ACKR3: variants seen among roughly 807,000 people sequenced by gnomAD.
ACKR3 encodes atypical chemokine receptor 3.
A neutral mutation model predicts 22.4 loss-of-function variants in ACKR3; 6 were observed. The observed-to-expected ratio is 0.27, with a 90% confidence interval of 0.15 to 0.53. The LOEUF is 0.53. Among genes scored for constraint, ACKR3 ranks in the 20% least tolerant of loss-of-function variants. The pLI is 0.96. For synonymous variants in ACKR3, 209 were observed against 205.2 expected, an observed-to-expected ratio of 1.02 and a Z score of -0.16; for missense variants, 396 against 475.2, an observed-to-expected ratio of 0.83 and a Z score of 1.55.
chr2:236,553,422 C>A, the ACKR3 span, among the ~76,000 whole-genome samples: 2 of 152,034 alleles, frequency 1.3e-5, no homozygotes, highest in African/African-American at 4.8e-5. Context: ...TTGCTTGAGG[C>A]AGAAAAAAAC....
At chr2:236,576,666 G>C (rs958500335) in intron 1 of ACKR3, among the ~76,000 whole-genome samples, 1 of 152,218 alleles carries the variant, frequency 6.6e-6, no homozygotes, top group African/African-American at 2.4e-5. Flanking sequence ...AGTGGGCCCT[G>C]CCCACCCTAA....
At chr2:236,569,363 A>G (rs1440506183), upstream of ACKR3, among the ~76,000 whole-genome samples, 1 of 152,256 alleles carries the variant, frequency 6.6e-6, no homozygotes, top group Admixed American at 6.5e-5. Context: ...TAACAAGGAA[A>G]ACCCAGGCTT....
intron 1 of ACKR3, among the ~76,000 whole-genome samples, chr2:236,572,628 C>A (rs909698405): frequency 1.5e-4 from 23 of 152,176 alleles, no homozygotes; most frequent in Admixed American, 9.8e-4. Flanking sequence ...CCCACTGCCT[C>A]GTCCTAGTCC....
chr2:236,558,696 T>G, the ACKR3 span, among the ~76,000 whole-genome samples: 1 of 152,230 alleles, frequency 6.6e-6, no homozygotes, highest in Non-Finnish European at 1.5e-5. Flanking sequence ...GAATAAAGAT[T>G]CTTTGTTCTT....
chr2:236,571,751 C>T (rs186829295), intron 1 of ACKR3, among the ~76,000 whole-genome samples: 1 of 151,848 alleles, frequency 6.6e-6, no homozygotes, highest in East Asian at 1.9e-4. Flanking sequence ...GTTGAAGTCA[C>T]TCAAACCTGA....
chr2:236,569,279 T>C (rs1352785559), upstream of ACKR3, among the ~76,000 whole-genome samples: 2 of 152,238 alleles, frequency 1.3e-5, no homozygotes, highest in Non-Finnish European at 2.9e-5. Flanking sequence ...GACTCTTTTC[T>C]CCACTTTGGG....
the ACKR3 span, among the ~76,000 whole-genome samples, chr2:236,545,474 AC>A: frequency 1.3e-5 from 2 of 152,252 alleles, no homozygotes; most frequent in Admixed American, 1.3e-4. This position sits in a 1 kb window ranked among gnomAD's most constrained non-coding sequence, Gnocchi z 5.3. Flanking sequence ...TAGGAAAGAC[AC>A]ATGCTACACC....
the ACKR3 span, among the ~76,000 whole-genome samples, chr2:236,549,130 A>G: frequency 2.0e-5 from 3 of 152,184 alleles, no homozygotes; most frequent in Admixed American, 2.0e-4. This position sits in a 1 kb window ranked among gnomAD's most constrained non-coding sequence, Gnocchi z 5.3. Flanking sequence ...CTCATTTCCA[A>G]CAAATTTGAG....
chr2:236,574,695 C>T lies in ACKR3; in HGVS notation c.-27+4771C>T, dbSNP rs1354385143. On this transcript the variant is annotated intron_variant, in intron 1 of 1. Coordinates refer to ENST00000272928, the MANE Select transcript of ACKR3 (RefSeq NM_020311.3). This position sits in a 1 kb window ranked among gnomAD's most constrained non-coding sequence, Gnocchi z 5.6. ...TGAGTACCTGTAATTCCGGCTTCAC[C>T]CTCAGCTTGCAGAGTGAGCTCAGGG... Among the ~76,000 whole-genome samples, 2 of 152,186 alleles carry T rather than the reference C, an allele frequency of 1.3e-5. No homozygotes were observed. Among genetic ancestry groups the T allele is most frequent in the Non-Finnish European group, 2.9e-5 (2 of 68,032 alleles).
chr2:236,574,844 A>G lies in ACKR3; in HGVS notation c.-27+4920A>G, dbSNP rs1691376421. On this transcript the variant is annotated intron_variant, in intron 1 of 1. Coordinates refer to ENST00000272928, the MANE Select transcript of ACKR3 (RefSeq NM_020311.3). This position sits in a 1 kb window ranked among gnomAD's most constrained non-coding sequence, Gnocchi z 5.6. The stretch of plus-strand genomic sequence containing the variant: ...GGTGCATCTCCGAGAAAGTCCTGCA[A>G]TTGACAAGAGGAGCCCCAGTACCAT... Among the ~76,000 whole-genome samples, 2 of 152,072 alleles carry G rather than the reference A, an allele frequency of 1.3e-5. No homozygotes were observed. Among genetic ancestry groups the G allele is most frequent in the Admixed American group, 6.5e-5 (1 of 15,278 alleles).
chr2:236,542,479 G>A, the ACKR3 span, among the ~76,000 whole-genome samples: 1 of 152,152 alleles, frequency 6.6e-6, no homozygotes, highest in Non-Finnish European at 1.5e-5. Context: ...TCTCCCTGCT[G>A]TAGACAGACT....
chr2:236,538,625 G>A, the ACKR3 span, among the ~76,000 whole-genome samples: 1 of 152,244 alleles, frequency 6.6e-6, no homozygotes, highest in African/African-American at 2.4e-5. Flanking sequence ...GTAAGACCAA[G>A]TCTAGTGGAC....
chr2:236,574,686 C>T lies in ACKR3; in HGVS notation c.-27+4762C>T, dbSNP rs373333904. 1.3e-4 allele frequency among the ~76,000 whole-genome samples: 20 copies of T among 152,292 alleles called. No individual in the cohort carries two copies. The highest frequency in any genetic ancestry group is 6.2e-4 in the South Asian group (3 of 4,826). On this transcript the variant is annotated intron_variant, in intron 1 of 1. Transcript: ENST00000272928. The surrounding 1 kb of genome is among the most constrained non-coding windows in gnomAD (Gnocchi z 5.6). Reference sequence around the variant, plus strand: ...CTCTAAACCTGAGTACCTGTAATTCCGGCTTCACCCTCAGCTTGCAGAGTG... The same window carrying T: ...CTCTAAACCTGAGTACCTGTAATTCTGGCTTCACCCTCAGCTTGCAGAGTG...
chr2:236,574,117 G>T lies in ACKR3; in HGVS notation c.-27+4193G>T, dbSNP rs10186215. On this transcript the variant is annotated intron_variant, in intron 1 of 1. Transcript: ENST00000272928. The surrounding 1 kb of genome is among the most constrained non-coding windows in gnomAD (Gnocchi z 5.6). The stretch of plus-strand genomic sequence containing the variant: ...TTAGCCGGCGGGGTCTCGGGGGTTG[G>T]GGGGAGATGTTTCTGATTTGTTGTC... 6.6e-6 allele frequency among the ~76,000 whole-genome samples: 1 copy of T among 151,880 alleles called. No homozygotes were observed. Among genetic ancestry groups the T allele is most frequent in the Non-Finnish European group, 1.5e-5 (1 of 67,990 alleles).
intron 1 of ACKR3, among the ~76,000 whole-genome samples, chr2:236,571,043 T>C (rs1235124894): frequency 6.6e-6 from 1 of 152,230 alleles, no homozygotes; most frequent in African/African-American, 2.4e-5. Context: ...GCTTTTAGTG[T>C]CCCTTTATTT....
chr2:236,542,802 C>T, the ACKR3 span, among the ~76,000 whole-genome samples: 2 of 152,246 alleles, frequency 1.3e-5, no homozygotes, highest in Non-Finnish European at 2.9e-5. Context: ...AGCATGTGGA[C>T]TATCTCTTGG....
upstream of ACKR3, among the ~76,000 whole-genome samples, chr2:236,564,728 A>G (rs10207556): frequency 0.012 from 1,758 of 152,134 alleles, 37 homozygotes; most frequent in African/African-American, 0.04. Flanking sequence ...GGTTTCTACA[A>G]TTGTTTTTCT....
At chr2:236,540,627 T>C in the ACKR3 span, among the ~76,000 whole-genome samples, 4 of 152,386 alleles carry the variant, frequency 2.6e-5, no homozygotes, top group East Asian at 1.9e-4. Flanking sequence ...TATAATTTAA[T>C]CTTTTACATT....
intron 1 of ACKR3, among the ~76,000 whole-genome samples, chr2:236,576,197 G>A (rs887515878): frequency 6.6e-6 from 1 of 152,210 alleles, no homozygotes; most frequent in East Asian, 1.9e-4. Context: ...GAGGGTGACT[G>A]GTCTAAGTGG....
Sources: gnomAD v4.1 joint callset for allele counts (sites outside exome capture counted in the v4.1 genomes callset) on GRCh38, gnomAD v4.1.1 for gene constraint, Gnocchi (gnomAD v3.1) non-coding constraint, MANE v1.5 for transcripts, NCBI Gene and HGNC (gene_info 2026-07-23, HGNC 2026-07-21) for gene names.